APOH: variants seen among roughly 807,000 people sequenced by gnomAD.
The protein encoded by APOH is apolipoprotein H.
In APOH, 48 loss-of-function variants were observed where a neutral mutation model predicts 39.8. That is an observed-to-expected ratio of 1.21 (90% confidence interval 0.96 to 1.54). APOH has a LOEUF of 1.54. Ranked by LOEUF, APOH falls within the 40% of genes most tolerant of loss-of-function variation. APOH has a pLI of 0.00. For synonymous variants in APOH, 153 were observed against 151.1 expected (o/e 1.01, Z -0.09); for missense variants, 415 against 421.2 (o/e 0.99, Z 0.13).
Position 66,212,244 on chromosome 17 carries a change from G to A in APOH, c.983-56C>T, listed in dbSNP as rs569012373. ...AGAGAAACAATCATTTCTTAAATGT[G>A]GTAAATAGCTAAGCCAAACCAAATA... is the stretch of plus-strand genomic sequence containing the variant. On this transcript the variant is annotated intron_variant, in intron 7 of 7. Transcript: ENST00000205948. The A allele has an allele frequency of 6.2e-4, 916 of 1,469,260 alleles. 5 individuals are homozygous for A. Among genetic ancestry groups the A allele is most frequent in the South Asian group, 3.4e-3 (300 of 87,068 alleles). The allele number at this position is 1,469,260 out of a possible 1,614,324, so 91.0% of individuals were successfully genotyped here. A position where few individuals can be genotyped will look rare whatever the true frequency, so the allele number is the denominator to read the frequency against.
At chr17:66,227,942 A>C in intron 2 of APOH, 78 bp downstream of exon 2, 2 of 1,486,158 alleles carry the variant, frequency 1.3e-6, no homozygotes, top group Non-Finnish European at 1.8e-6. Context: ...CACTCTGAGC[A>C]TGACGAGGTA....
At chr17:66,223,643 C>A (rs1383844749) in intron 4 of APOH, 55 bp downstream of exon 4, 2 of 1,522,172 alleles carry the variant, frequency 1.3e-6, no homozygotes, top group East Asian at 2.3e-5. Flanking sequence ...ACTTTGAGTG[C>A]TAAAACCAGA....
chr17:66,219,049 G>A (rs1304413942), intron 5 of APOH, among the ~76,000 whole-genome samples: 1 of 151,888 alleles, frequency 6.6e-6, no homozygotes, highest in Non-Finnish European at 1.5e-5. Flanking sequence ...AGACTAGAGA[G>A]ACATGACAAC....
At chr17:66,218,087 G>A (rs1360764015) in intron 5 of APOH, among the ~76,000 whole-genome samples, 11 of 152,190 alleles carry the variant, frequency 7.2e-5, no homozygotes, top group Admixed American at 6.6e-4. Context: ...AGCCTCCAAT[G>A]TCATAATTGA....
intron 6 of APOH, among the ~76,000 whole-genome samples, chr17:66,216,144 G>A (rs1429995729): frequency 1.4e-5 from 2 of 141,982 alleles, no homozygotes; most frequent in African/African-American, 2.6e-5. Flanking sequence ...CTCCAGCTAG[G>A]CAACAGAGTG....
chr17:66,218,117 T>C (rs1370279662), intron 5 of APOH, among the ~76,000 whole-genome samples: 1 of 152,196 alleles, frequency 6.6e-6, no homozygotes, highest in Non-Finnish European at 1.5e-5. Context: ...GGATCATCAT[T>C]GGATTCTACC....
rs2073416606 is a variant in APOH at position 66,223,641 on chromosome 17, T to C, written c.415+57A>G. ...GAGATTCCAGATGTGAGACTTTGAG[T>C]GCTAAAACCAGAAAGGTTCTGGGCA... On this transcript the variant is annotated intron_variant, in intron 4 of 7. Transcript: ENST00000205948. 6.8e-6 allele frequency: 10 copies of C among 1,470,934 alleles called. 1 individual carries two copies. The highest frequency in any genetic ancestry group is 2.3e-5 in the South Asian group (2 of 87,922). 91.1% of individuals were successfully genotyped at this position (1,470,934 alleles called of 1,614,324 possible). A position where few individuals can be genotyped will look rare whatever the true frequency, so the allele number is the denominator to read the frequency against.
chr17:66,213,092 C>A (rs1029719787), intron 7 of APOH, among the ~76,000 whole-genome samples: 1 of 152,210 alleles, frequency 6.6e-6, no homozygotes, highest in Non-Finnish European at 1.5e-5. Flanking sequence ...TCCCTTCTCT[C>A]CCACTAGCTG....
rs1258068450 is a variant in APOH, at chr17:66,216,868, T to C, written c.704A>G (p.His235Arg). The C allele has an allele frequency of 6.2e-7, 1 of 1,613,378 alleles. No homozygotes were observed. Among genetic ancestry groups the C allele is most frequent in the Non-Finnish European group, 8.5e-7 (1 of 1,179,784 alleles). ...YYKDKATFGC[H>R]DGYSLDGPEE... ...CGGGCCATCCAGAGAATATCCATCA[T>C]GGCAGCCAAATGTGGCTTTATCCTT... is the stretch of plus-strand genomic sequence containing the variant. The change falls in exon 6 of 8, where the codon CAT (histidine) becomes CGT (arginine). Residue 235 changes from histidine to arginine, a missense_variant. This residue lies in a region of APOH where 7 missense variants were observed against 25.6 expected (regional missense o/e 0.27). Transcript: ENST00000205948.
intron 7 of APOH, among the ~76,000 whole-genome samples, chr17:66,212,747 A>G (rs965947781): frequency 3.3e-5 from 5 of 152,264 alleles, no homozygotes; most frequent in Non-Finnish European, 7.3e-5. Context: ...ATAACAGTCA[A>G]GATTAAAGGG....
chr17:66,212,075 G>T lies in APOH; in HGVS notation c.*58C>A. The T allele has an allele frequency of 7.1e-7, 1 of 1,416,588 alleles. No homozygotes were observed. The highest frequency in any genetic ancestry group is 1.0e-6 in the Non-Finnish European group (1 of 1,003,088). The allele number at this position is 1,416,588 out of a possible 1,614,324, so 87.8% of individuals were successfully genotyped here. ...TAGCTTTATTTTTAAATTTCAATTA[G>T]GTTCCTTGGATGAACAAGAAACAAG... On this transcript the variant is annotated 3_prime_UTR_variant, in exon 8 of 8. Transcript: ENST00000205948.
At chr17:66,226,621 CA>C (rs60139772) in intron 2 of APOH, among the ~76,000 whole-genome samples, 72 of 133,800 alleles carry the variant, frequency 5.4e-4, no homozygotes, top group East Asian at 8.6e-4. Context: ...ACTCCGTCTC[CA>C]AAAAAAAAAA....
At chr17:66,222,659 C>A (rs1013116132) in intron 4 of APOH, among the ~76,000 whole-genome samples, 3 of 150,570 alleles carry the variant, frequency 2.0e-5, no homozygotes, top group Non-Finnish European at 4.4e-5. Flanking sequence ...GCAACCTCCG[C>A]CTCCCGGGTT....
chr17:66,216,780 T>C lies in APOH; in HGVS notation c.784+8A>G, dbSNP rs1379035269. On this transcript the variant is annotated splice_region_variant and intron_variant, in intron 6 of 7. Coordinates refer to ENST00000205948, the MANE Select transcript of APOH (RefSeq NM_000042.3). ...AGATCTTACAGGACCTCGCCTATAT[T>C]TCCATACCTTTACAACTTGGCATGG... The C allele has an allele frequency of 6.3e-7, 1 of 1,584,714 alleles. No homozygotes were observed. Among genetic ancestry groups the C allele is most frequent in the East Asian group, 2.3e-5 (1 of 43,896 alleles).
At chr17:66,224,356 C>T (rs935469146) in intron 3 of APOH, among the ~76,000 whole-genome samples, 8 of 148,570 alleles carry the variant, frequency 5.4e-5, no homozygotes, top group African/African-American at 7.5e-5. Flanking sequence ...CCAAGCTACT[C>T]GAGAGGTAGA....
Position 66,229,385 on chromosome 17 carries a change from A to C in APOH, c.-6T>G, listed in dbSNP as rs773028868. 3 of 1,613,240 alleles carry C rather than the reference A, an allele frequency of 1.9e-6. No homozygotes were observed. The highest frequency in any genetic ancestry group is 2.7e-5 in the African/African-American group (2 of 74,916). ...ATGAGCACTGGAGAAATCATTGTGG[A>C]TGAGTCACACTGGCACTACCAAAGT... is the stretch of plus-strand genomic sequence containing the variant. On this transcript the variant is annotated 5_prime_UTR_variant, in exon 1 of 8. Coordinates refer to ENST00000205948, the MANE Select transcript of APOH (RefSeq NM_000042.3).
At chr17:66,223,150 G>A (rs1447304249) in intron 4 of APOH, among the ~76,000 whole-genome samples, 1 of 152,118 alleles carries the variant, frequency 6.6e-6, no homozygotes, top group Non-Finnish European at 1.5e-5. Flanking sequence ...TTTCCTCCTC[G>A]TCTGTCCCGT....
In APOH at chr17:66,216,639, G is replaced by A. The variant is rs55927327; in HGVS notation, c.784+149C>T. On this transcript the variant is annotated intron_variant, in intron 6 of 7. Transcript: ENST00000205948. ...CTTCCTAAGCATGAGGCTTCCCCAT[G>A]CACCTGTGAGTCCTGAAGTCACATG... The A allele has an allele frequency of 1.8e-5, 12 of 658,938 alleles. No individual in the cohort carries two copies. In the East Asian group the frequency reaches 3.3e-4, roughly 18 times the overall value. 40.8% of individuals were successfully genotyped at this position (658,938 alleles called of 1,614,324 possible).
intron 7 of APOH, 133 bp from the exon 8 acceptor site, chr17:66,212,321 T>C (rs750768530): frequency 1.2e-5 from 8 of 690,332 alleles, no homozygotes; most frequent in Admixed American, 5.3e-5. Context: ...AACCATTTAG[T>C]GTGAGGTTTA....
Sources: allele counts gnomAD v4.1 joint callset (sites outside exome capture counted in the v4.1 genomes callset), GRCh38; gene constraint gnomAD v4.1.1; regional missense constraint gnomAD v4.1.1; transcripts MANE v1.5; gene names NCBI Gene and HGNC (gene_info 2026-07-23, HGNC 2026-07-21).